COLQ: variants seen among roughly 807,000 people sequenced by gnomAD.
The protein encoded by COLQ is acetylcholinesterase collagenic tail peptide.
A neutral mutation model predicts 69.0 loss-of-function variants in COLQ; 48 were observed. That is an observed-to-expected ratio of 0.70 (90% CI 0.55 to 0.88). The LOEUF is 0.88. COLQ is among the 40% of genes least tolerant of loss of function. COLQ has a pLI of 0.00. For synonymous variants in COLQ, 217 were observed against 211.2 expected (o/e 1.03, Z -0.24); for missense variants, 618 against 594.6 (o/e 1.04, Z -0.41).
At chr3:15,474,808 G>T (rs2062350812) in intron 8 of COLQ, 117 bp downstream of exon 8, 1 of 1,203,820 alleles carries the variant, frequency 8.3e-7, no homozygotes, top group South Asian at 1.2e-5. Context: ...AATAGCTAGG[G>T]ATGGTGGCTT....
chr3:15,462,419 C>G (rs988671601), intron 12 of COLQ, among the ~76,000 whole-genome samples: 2 of 152,192 alleles, frequency 1.3e-5, no homozygotes, highest in African/African-American at 4.8e-5. Context: ...CCCATCTTCT[C>G]TTTACCTTCT....
At chr3:15,487,686 G>T (rs537389632) in intron 3 of COLQ, among the ~76,000 whole-genome samples, 1 of 152,204 alleles carries the variant, frequency 6.6e-6, no homozygotes, top group Non-Finnish European at 1.5e-5. Context: ...GGGTACTCTT[G>T]TTTGTCTAGA....
At chr3:15,515,760 C>T (rs1363564406) in intron 1 of COLQ, among the ~76,000 whole-genome samples, 2 of 152,092 alleles carry the variant, frequency 1.3e-5, no homozygotes, top group Non-Finnish European at 2.9e-5. Context: ...GAGCTGAGAT[C>T]GTGCCACTGC....
chr3:15,515,886 G>A (rs1017219461), intron 1 of COLQ, among the ~76,000 whole-genome samples: 1 of 152,226 alleles, frequency 6.6e-6, no homozygotes. Context: ...AGCCAGAGCG[G>A]CTCTCTGTTC....
intron 1 of COLQ, among the ~76,000 whole-genome samples, chr3:15,493,692 AC>A (rs2062704615): frequency 1.3e-5 from 2 of 152,330 alleles, no homozygotes; most frequent in South Asian, 4.1e-4. Context: ...CCAGACTCAG[AC>A]CCAGTCTTTA....
At chr3:15,499,235 C>A (rs2062797746) in intron 1 of COLQ, among the ~76,000 whole-genome samples, 2 of 152,160 alleles carry the variant, frequency 1.3e-5, no homozygotes, top group African/African-American at 4.8e-5. Flanking sequence ...CGGCATATAC[C>A]AGTTACATGC....
chr3:15,491,416 T>C (rs778434961), intron 1 of COLQ, among the ~76,000 whole-genome samples: 11 of 152,170 alleles, frequency 7.2e-5, no homozygotes, highest in Non-Finnish European at 1.3e-4. Flanking sequence ...TTCTGTCTTA[T>C]CTCCCAGGGG....
chr3:15,456,692 G>C (rs1297305822), intron 13 of COLQ, 113 bp from the exon 14 acceptor site: 2 of 1,423,912 alleles, frequency 1.4e-6, no homozygotes, highest in East Asian at 4.8e-5. Flanking sequence ...AGTGGGAAGA[G>C]GGGTTTGCAC....
In COLQ at chr3:15,473,723, G is replaced by A. The variant is rs769519713; in HGVS notation, c.636+277C>T. 6.6e-6 allele frequency among the ~76,000 whole-genome samples: 1 copy of A among 152,000 alleles called. No homozygotes were observed. Among genetic ancestry groups the A allele is most frequent in the Non-Finnish European group, 1.5e-5 (1 of 67,988 alleles). On this transcript the variant is annotated intron_variant, in intron 10 of 16. Coordinates refer to ENST00000383788, the MANE Select transcript of COLQ (RefSeq NM_005677.4). This position sits in a 1 kb window ranked among gnomAD's most constrained non-coding sequence, Gnocchi z 4.0. ...AGGACCACAGCCCTCTAAGAGGTAG[G>A]AAAAGCAAAAAAGCAAAAAAACAAA...
rs754063500 is a variant in COLQ, at chr3:15,451,640, G to A, written c.*4C>T. On this transcript the variant is annotated 3_prime_UTR_variant, in exon 17 of 17. Transcript: ENST00000383788. ...GGGCGCAGCCCACCTTCTCCTCACG[G>A]CCCTCAGGTGAAGTAGCGGCAGGGC... 20 of 1,614,054 alleles carry A rather than the reference G, an allele frequency of 1.2e-5. No homozygotes were observed. The Admixed American group carries it at 3.2e-4, about 26-fold the overall frequency.
intron 1 of COLQ, among the ~76,000 whole-genome samples, chr3:15,499,137 A>C (rs1327253882): frequency 2.0e-5 from 3 of 152,046 alleles, no homozygotes; most frequent in Admixed American, 6.6e-5. Context: ...ACAAAGCTAA[A>C]CGTAACTAAA....
intron 1 of COLQ, among the ~76,000 whole-genome samples, chr3:15,516,204 C>A (rs559599109): frequency 6.6e-6 from 1 of 152,282 alleles, no homozygotes; most frequent in African/African-American, 2.4e-5. Context: ...AGATGGCTGG[C>A]AAGTGCATTA....
chr3:15,456,717 T>C, intron 13 of COLQ, 138 bp from the exon 14 acceptor site: 1 of 1,134,238 alleles, frequency 8.8e-7, no homozygotes, highest in Non-Finnish European at 1.3e-6. Context: ...CACTCTAGCA[T>C]TCCTTCTGAA....
At chr3:15,489,500 C>G in intron 2 of COLQ, 25 bp downstream of exon 2, 2 of 1,610,706 alleles carry the variant, frequency 1.2e-6, no homozygotes, top group Non-Finnish European at 1.7e-6. Context: ...ACTTTTTTTC[C>G]TCTCATAAAT....
intron 1 of COLQ, among the ~76,000 whole-genome samples, chr3:15,490,641 T>C (rs1191385226): frequency 6.6e-6 from 1 of 152,218 alleles, no homozygotes; most frequent in African/African-American, 2.4e-5. Flanking sequence ...AACCTACTCA[T>C]CCATTCTGCT....
intron 15 of COLQ, among the ~76,000 whole-genome samples, chr3:15,454,572 G>A (rs945710269): frequency 6.6e-6 from 1 of 151,876 alleles, no homozygotes; most frequent in Non-Finnish European, 1.5e-5. Context: ...TGGAGCTGTC[G>A]GGAGACAGTT....
At chr3:15,483,403 G>A (rs1383709654) in intron 3 of COLQ, among the ~76,000 whole-genome samples, 2 of 152,098 alleles carry the variant, frequency 1.3e-5, no homozygotes, top group Non-Finnish European at 2.9e-5. Context: ...AGAGATTCTG[G>A]TATGTTGTGT....
intron 3 of COLQ, 47 bp downstream of exon 3, chr3:15,488,159 T>G (rs371694458): frequency 1.4e-6 from 2 of 1,399,192 alleles, no homozygotes; most frequent in African/African-American, 2.8e-5. Flanking sequence ...TGGGCTTTCC[T>G]GCTCTAAACA....
At chr3:15,484,428 C>T (rs1045897142) in intron 3 of COLQ, among the ~76,000 whole-genome samples, 2 of 151,844 alleles carry the variant, frequency 1.3e-5, no homozygotes, top group Non-Finnish European at 2.9e-5. Context: ...ATCTTTGTGG[C>T]GTTCTCTGTA....
Sources: allele counts gnomAD v4.1 joint callset (sites outside exome capture counted in the v4.1 genomes callset), GRCh38; gene constraint gnomAD v4.1.1; non-coding constraint Gnocchi (gnomAD v3.1); transcripts MANE v1.5; gene names NCBI Gene and HGNC (gene_info 2026-07-23, HGNC 2026-07-21).